CAPRIN2: variants seen among roughly 807,000 people sequenced by gnomAD.
The protein encoded by CAPRIN2 is caprin-2.
In CAPRIN2, 66 loss-of-function variants were observed where a neutral mutation model predicts 130.4. The observed-to-expected ratio is 0.51, with a 90% CI of 0.42 to 0.62. CAPRIN2 has a LOEUF of 0.62. CAPRIN2 is among the 20% of genes least tolerant of loss of function. The pLI, the probability that CAPRIN2 is intolerant of heterozygous loss-of-function variation, is 0.00. For synonymous variants in CAPRIN2, 471 were observed against 444.1 expected, an observed-to-expected ratio of 1.06 and a Z score of -0.76; for missense variants, 1,185 against 1,246.6, an observed-to-expected ratio of 0.95 and a Z score of 0.74.
exon 1 of CAPRIN2, chr12:30,753,494 G>A: frequency 1.9e-6 from 3 of 1,614,200 alleles, no homozygotes; most frequent in Non-Finnish European, 2.5e-6. Context: ...GCTGACTGTG[G>A]TTCACTTGGG....
exon 15 of CAPRIN2, chr12:30,713,832 G>A (rs1449517834): frequency 6.2e-7 from 1 of 1,611,252 alleles, no homozygotes; most frequent in Admixed American, 1.7e-5. Context: ...TGGAACTGCA[G>A]CTGGCTATAA....
chr12:30,731,328 G>A lies in CAPRIN2; in HGVS notation c.1060+15C>T, dbSNP rs749130322. The A allele has an allele frequency of 2.5e-6, 4 of 1,606,214 alleles. No individual in the cohort carries two copies. The African/African-American group carries it at 4.0e-5, about 16-fold the overall frequency. ...AATGCAACCACTATAAGGATTTTCA[G>A]AGGTCACAACAAACCTGACTCTTTG... On this transcript the variant is annotated intron_variant, in intron 6 of 16. Coordinates refer to ENST00000298892, the Ensembl canonical transcript of CAPRIN2.
At chr12:30,741,460 A>G (rs899607917) in intron 2 of CAPRIN2, among the ~76,000 whole-genome samples, 6 of 152,196 alleles carry the variant, frequency 3.9e-5, no homozygotes, top group African/African-American at 1.2e-4. Flanking sequence ...TATTACACAA[A>G]TAGCACGGTG....
chr12:30,751,353 G>T, intron 1 of CAPRIN2: 1 of 533,336 alleles, frequency 1.9e-6, no homozygotes. Context: ...CAAAACCTAA[G>T]CAGTAATAAA....
chr12:30,722,841 C>T (rs1415414877), intron 11 of CAPRIN2, among the ~76,000 whole-genome samples: 1 of 152,076 alleles, frequency 6.6e-6, no homozygotes, highest in Non-Finnish European at 1.5e-5. Flanking sequence ...AGACCAGACG[C>T]TGCAGTGAGC....
intron 4 of CAPRIN2, among the ~76,000 whole-genome samples, chr12:30,734,034 T>A (rs1170706767): frequency 1.3e-5 from 2 of 152,146 alleles, no homozygotes; most frequent in African/African-American, 4.8e-5. Flanking sequence ...AAAAGAACAG[T>A]GAAATTGAAA....
chr12:30,730,265 C>G, exon 7 of CAPRIN2: 1 of 1,610,808 alleles, frequency 6.2e-7, no homozygotes, highest in Non-Finnish European at 8.5e-7. Context: ...TCTGGCTGGG[C>G]AAATTCCATT....
intron 2 of CAPRIN2, among the ~76,000 whole-genome samples, chr12:30,746,285 T>G (rs1044569172): frequency 1.1e-4 from 16 of 152,180 alleles, no homozygotes; most frequent in Admixed American, 1.0e-3. Flanking sequence ...TAATCCTAGC[T>G]ACTCAGGAGG....
chr12:30,746,292 G>A (rs1324275442), intron 2 of CAPRIN2, among the ~76,000 whole-genome samples: 2 of 152,198 alleles, frequency 1.3e-5, no homozygotes, highest in East Asian at 1.9e-4. Flanking sequence ...AGCTACTCAG[G>A]AGGCTAAGAG....
intron 3 of CAPRIN2, among the ~76,000 whole-genome samples, chr12:30,735,947 C>T (rs555185383): frequency 1.3e-5 from 2 of 151,984 alleles, no homozygotes; most frequent in Non-Finnish European, 2.9e-5. Flanking sequence ...TCAAGACCAG[C>T]CTGGGCAACA....
rs886569319 is a variant in CAPRIN2, at chr12:30,709,938, A to C, written c.3198T>G (p.Tyr1066Ter). ...AAAGAAGATAGCCTGAAAACGTAGA[A>C]TATTTCCAGCTACTTCCATAAATTG... The change falls in exon 17 of 17, where the codon TAT becomes TAG. Residue 1066 changes from tyrosine to a stop codon, truncating the protein, a stop_gained. Transcript: ENST00000298892. LOFTEE classifies it high-confidence loss of function. 1.2e-6 allele frequency: 2 copies of C among 1,610,082 alleles called. No homozygotes were observed. Among genetic ancestry groups the C allele is most frequent in the Non-Finnish European group, 1.7e-6 (2 of 1,176,700 alleles).
chr12:30,744,889 A>T (rs1326967287), intron 2 of CAPRIN2, among the ~76,000 whole-genome samples: 1 of 152,210 alleles, frequency 6.6e-6, no homozygotes, highest in South Asian at 2.1e-4. Flanking sequence ...AGAGAGCATC[A>T]GATATGGTCA....
chr12:30,728,683 G>A lies in CAPRIN2; in HGVS notation c.1747C>T (p.Leu583=), dbSNP rs143463327. The A allele has an allele frequency of 4.9e-5, 79 of 1,612,694 alleles. No homozygotes were observed. The African/African-American group carries it at 9.5e-4, about 19-fold the overall frequency. The stretch of plus-strand genomic sequence containing the variant: ...TCTGTGTTCAACTTCCTGGGCAGCA[G>A]CTGGTCATTTGGTATGAGGCTTGCT... Residue 583 remains leucine, a synonymous_variant, in exon 8 of 17, where the codon CTG becomes TTG. Coordinates refer to ENST00000298892, the Ensembl canonical transcript of CAPRIN2.
chr12:30,711,353 C>G (rs2054493052), intron 16 of CAPRIN2, among the ~76,000 whole-genome samples: 1 of 152,046 alleles, frequency 6.6e-6, no homozygotes, highest in East Asian at 1.9e-4. Flanking sequence ...TAAAAAACAC[C>G]CACCCTTTTA....
exon 10 of CAPRIN2, chr12:30,724,398 C>T (rs1036702394): frequency 7.4e-6 from 12 of 1,612,696 alleles, no homozygotes; most frequent in East Asian, 2.2e-5. Flanking sequence ...TAGCTGAAGG[C>T]GGTTGTGACG....
exon 3 of CAPRIN2, chr12:30,741,077 T>C (rs2067231250): frequency 1.2e-6 from 2 of 1,610,458 alleles, no homozygotes; most frequent in East Asian, 2.2e-5. Flanking sequence ...CCAAATTATG[T>C]AGCACTTCTT....
intron 4 of CAPRIN2, among the ~76,000 whole-genome samples, 199 bp from the exon 6 acceptor site, chr12:30,733,910 T>A (rs370867314): frequency 6.8e-4 from 104 of 152,300 alleles, no homozygotes; most frequent in African/African-American, 2.4e-3. Flanking sequence ...TGTAAGAATT[T>A]TTCCTTAAAA....
intron 3 of CAPRIN2, among the ~76,000 whole-genome samples, chr12:30,736,254 A>T (rs1592177163): frequency 6.6e-6 from 1 of 152,308 alleles, no homozygotes; most frequent in African/African-American, 2.4e-5. Context: ...CATAATATTC[A>T]TGGGTCCCAG....
chr12:30,735,686 T>C (rs2064414092), intron 3 of CAPRIN2, among the ~76,000 whole-genome samples: 1 of 152,202 alleles, frequency 6.6e-6, no homozygotes, highest in Admixed American at 6.5e-5. Flanking sequence ...TAAAATGTCT[T>C]CCAAGTGTAA....
Sources: gnomAD v4.1 joint callset for allele counts (sites outside exome capture counted in the v4.1 genomes callset) on GRCh38, gnomAD v4.1.1 for gene constraint, MANE v1.5 for transcripts, NCBI Gene and HGNC (gene_info 2026-07-23, HGNC 2026-07-21) for gene names.